GPC5: variants seen among roughly 807,000 people sequenced by gnomAD.
GPC5 encodes the protein glypican 5, also known as glypican-5.
GPC5 carries 47 observed loss-of-function variants against 53.9 expected under a neutral mutation model. That is an observed-to-expected ratio of 0.87 (90% CI 0.69 to 1.11). The LOEUF (loss-of-function observed/expected upper bound fraction) is 1.11. Among genes scored for constraint, GPC5 ranks in the 50% most tolerant of loss-of-function variants. The pLI, the probability that GPC5 is intolerant of heterozygous loss-of-function variation, is 0.00. For synonymous variants in GPC5, 286 were observed against 263.3 expected (o/e 1.09, Z -0.84); for missense variants, 748 against 713.1 (o/e 1.05, Z -0.56).
At chr13:91,847,355 T>TTGTG (rs150598612) in intron 5 of GPC5, among the ~76,000 whole-genome samples, 30 of 150,222 alleles carry the variant, frequency 2.0e-4, no homozygotes, top group East Asian at 1.9e-3. Context: ...TTTATTATAA[T>TTGTG]TGTGTGTGTG....
At chr13:91,590,093 A>G (rs1455038524) in intron 2 of GPC5, among the ~76,000 whole-genome samples, 1 of 151,736 alleles carries the variant, frequency 6.6e-6, no homozygotes, top group Admixed American at 6.6e-5. Flanking sequence ...GACCTTTCAT[A>G]TCTCAAACTG....
intron 6 of GPC5, among the ~76,000 whole-genome samples, chr13:91,987,158 A>G (rs1384923388): frequency 2.0e-5 from 3 of 152,238 alleles, no homozygotes; most frequent in Non-Finnish European, 4.4e-5. Flanking sequence ...ATAGAATTTA[A>G]ATAAGATATT....
intron 7 of GPC5, among the ~76,000 whole-genome samples, chr13:92,800,525 A>G (rs766765941): frequency 1.3e-5 from 2 of 151,904 alleles, no homozygotes; most frequent in African/African-American, 2.4e-5. Context: ...TCTGAGTGTT[A>G]CTTTCCACTA....
chr13:92,724,524 T>C (rs1376041528), intron 7 of GPC5, among the ~76,000 whole-genome samples: 1 of 151,604 alleles, frequency 6.6e-6, no homozygotes, highest in South Asian at 2.1e-4. Context: ...TGGAGTATTA[T>C]TCAGCCTTAC....
intron 7 of GPC5, among the ~76,000 whole-genome samples, chr13:92,226,741 G>C (rs181920635): frequency 1.4e-3 from 216 of 151,960 alleles, no homozygotes; most frequent in Non-Finnish European, 2.5e-3. Flanking sequence ...TGGGATTACA[G>C]GCGCTGGCCA....
At chr13:92,565,020 A>G (rs1260053606) in intron 7 of GPC5, among the ~76,000 whole-genome samples, 1 of 152,050 alleles carries the variant, frequency 6.6e-6, no homozygotes, top group Non-Finnish European at 1.5e-5. Flanking sequence ...CTCTTCTTGT[A>G]TTCACTTTTA....
chr13:92,633,097 G>A (rs1043221314), intron 7 of GPC5, among the ~76,000 whole-genome samples: 5 of 152,080 alleles, frequency 3.3e-5, no homozygotes, highest in Admixed American at 1.3e-4. Flanking sequence ...CACCATGTTG[G>A]CCAGGCTGGT....
At chr13:91,923,231 A>C (rs1594666169) in intron 6 of GPC5, among the ~76,000 whole-genome samples, 1 of 152,184 alleles carries the variant, frequency 6.6e-6, no homozygotes, top group Non-Finnish European at 1.5e-5. Flanking sequence ...GGTACATATG[A>C]GTCCATAATG....
At chr13:92,556,478 A>G (rs1327561558) in intron 7 of GPC5, among the ~76,000 whole-genome samples, 1 of 151,718 alleles carries the variant, frequency 6.6e-6, no homozygotes, top group Admixed American at 6.6e-5. Flanking sequence ...TCGATGAGAT[A>G]TTTATTAATA....
At chr13:92,375,596 T>C (rs1414803986) in intron 7 of GPC5, among the ~76,000 whole-genome samples, 3 of 152,130 alleles carry the variant, frequency 2.0e-5, no homozygotes, top group African/African-American at 4.8e-5. Flanking sequence ...GGCCTGTATA[T>C]GATATATATT....
chr13:91,572,746 C>T (rs968540916), intron 2 of GPC5, among the ~76,000 whole-genome samples: 1 of 152,054 alleles, frequency 6.6e-6, no homozygotes, highest in Non-Finnish European at 1.5e-5. Flanking sequence ...TTGGAGTGGA[C>T]AAACCTTCAA....
At chr13:92,241,720 T>C (rs1566500566) in intron 7 of GPC5, 1 of 152,162 alleles carries the variant, frequency 6.6e-6, no homozygotes, top group Non-Finnish European at 1.5e-5. Context: ...GTCTTTGAGG[T>C]AGCTATTCTC....
intron 2 of GPC5, among the ~76,000 whole-genome samples, chr13:91,453,565 A>T (rs977763078): frequency 3.3e-5 from 5 of 151,976 alleles, no homozygotes; most frequent in Non-Finnish European, 7.4e-5. Flanking sequence ...ATAAAGGCGT[A>T]TTGCTATTTT....
intron 2 of GPC5, among the ~76,000 whole-genome samples, chr13:91,635,001 T>C (rs1045071402): frequency 2.0e-5 from 3 of 152,196 alleles, no homozygotes; most frequent in African/African-American, 2.4e-5. Flanking sequence ...TTAATCCCTA[T>C]ATGTGCATAG....
intron 7 of GPC5, among the ~76,000 whole-genome samples, chr13:92,833,663 T>G (rs114844395): frequency 0.013 from 1,982 of 152,278 alleles, 54 homozygotes; most frequent in African/African-American, 0.046. Flanking sequence ...TGTATTTTAT[T>G]GTAATACTTA....
At chr13:92,805,807 C>G (rs1415037160) in intron 7 of GPC5, among the ~76,000 whole-genome samples, 1 of 151,984 alleles carries the variant, frequency 6.6e-6, no homozygotes, top group Non-Finnish European at 1.5e-5. Context: ...ATACCATAAA[C>G]AGACATGCTG....
At chr13:92,170,271 A>G (rs1231652698) in intron 7 of GPC5, among the ~76,000 whole-genome samples, 1 of 151,836 alleles carries the variant, frequency 6.6e-6, no homozygotes, top group African/African-American at 2.4e-5. Context: ...GTCCTACACA[A>G]TCCATGCATA....
chr13:91,865,958 C>A lies in GPC5; in HGVS notation c.1281-41979C>A, dbSNP rs540076420. Among the ~76,000 whole-genome samples, 4 of 152,286 alleles carry A rather than the reference C, an allele frequency of 2.6e-5. No homozygotes were observed. The East Asian group carries it at 5.8e-4, about 22-fold the overall frequency. ...TCTCTGCTCGCCGCAACATCTGCCT[C>A]CTGGGTTAAAGTGCTTCTCTTGCCT... is the stretch of plus-strand genomic sequence containing the variant. On this transcript the variant is annotated intron_variant, in intron 5 of 7. Transcript: ENST00000377067.
intron 7 of GPC5, among the ~76,000 whole-genome samples, chr13:92,413,975 T>C (rs1406796537): frequency 2.0e-5 from 3 of 152,204 alleles, no homozygotes; most frequent in Non-Finnish European, 4.4e-5. Flanking sequence ...ATTTTTCTAA[T>C]TTTTTCTATT....
Sources: allele counts gnomAD v4.1 joint callset (sites outside exome capture counted in the v4.1 genomes callset), GRCh38; gene constraint gnomAD v4.1.1; transcripts MANE v1.5; gene names NCBI Gene and HGNC (gene_info 2026-07-23, HGNC 2026-07-21).